Variants in LMNTD1 observed in about 807,000 individuals in gnomAD.
LMNTD1 encodes lamin tail domain-containing protein 1.
LMNTD1 carries 35 observed loss-of-function variants against 50.9 expected under a neutral mutation model. That is an observed-to-expected ratio of 0.69 (90% CI 0.53 to 0.91). The LOEUF is 0.91. Among genes scored for constraint, LMNTD1 ranks in the 40% least tolerant of loss-of-function variants. LMNTD1 has a pLI of 0.00. For synonymous variants in LMNTD1, 153 were observed against 161.9 expected (o/e 0.94, Z 0.42); for missense variants, 470 against 475.5 (o/e 0.99, Z 0.11).
chr12:25,594,226 C>A (rs1252592526), intron 1 of LMNTD1, among the ~76,000 whole-genome samples: 2 of 152,114 alleles, frequency 1.3e-5, no homozygotes, highest in Non-Finnish European at 2.9e-5. Flanking sequence ...CTGGGAAAAT[C>A]ATTGCAAAAA....
Position 25,519,902 on chromosome 12 carries a change from ATCTT to A in LMNTD1, c.968_971del (p.Lys323IlefsTer45), listed in dbSNP as rs779037184. The A allele has an allele frequency of 6.2e-7, 1 of 1,612,166 alleles. No individual in the cohort carries two copies. The highest frequency in any genetic ancestry group is 1.1e-5 in the South Asian group (1 of 90,956). ...CTTGTTCCACCTGATAATTTGAGAT[ATCTT>A]TCTTAGGTTGATCTTGTTTTTCTTT... On this transcript the variant is annotated frameshift_variant, in exon 7 of 10. Transcript: ENST00000458174. LOFTEE classifies it high-confidence loss of function.
intron 1 of LMNTD1, among the ~76,000 whole-genome samples, chr12:25,619,752 C>T (rs1260791521): frequency 6.6e-6 from 1 of 152,236 alleles, no homozygotes; most frequent in Non-Finnish European, 1.5e-5. Flanking sequence ...TCTCCCTTCT[C>T]TGCTCATCCC....
chr12:25,504,200 A>G (rs1377369559), intron 8 of LMNTD1, among the ~76,000 whole-genome samples: 4 of 152,204 alleles, frequency 2.6e-5, no homozygotes, highest in African/African-American at 9.7e-5. Flanking sequence ...AATGCTTTCT[A>G]TATGTAGAAC....
chr12:25,574,007 G>C (rs1208635542), intron 1 of LMNTD1, among the ~76,000 whole-genome samples: 2 of 152,032 alleles, frequency 1.3e-5, no homozygotes, highest in African/African-American at 4.8e-5. Context: ...CTCCCCTCAA[G>C]CCTTTTCTCA....
Position 25,549,485 on chromosome 12 carries a change from C to A in LMNTD1, c.151G>T (p.Val51Phe). 6.2e-7 allele frequency: 1 copy of A among 1,613,218 alleles called. No homozygotes were observed. The highest frequency in any genetic ancestry group is 8.5e-7 in the Non-Finnish European group (1 of 1,179,428). The stretch of plus-strand genomic sequence containing the variant: ...GATGACAATGGCAGTGTTGTGGCAA[C>A]TGAACCCAACATCTTTGGGGAAAAA... Reference protein sequence around the residue: ...VHFSPKMLGSVATTLPLSSSN... With the variant: ...VHFSPKMLGSFATTLPLSSSN... The change falls in exon 3 of 10, where the codon GTT (valine) becomes TTT (phenylalanine). Residue 51 changes from valine (V) to phenylalanine (F), a missense_variant. Val to Phe is a conservative substitution (Grantham distance 50). Coordinates refer to ENST00000458174, the MANE Select transcript of LMNTD1 (RefSeq NM_001145728.2).
intron 8 of LMNTD1, among the ~76,000 whole-genome samples, chr12:25,512,041 A>G (rs551856380): frequency 6.6e-6 from 1 of 152,202 alleles, no homozygotes; most frequent in African/African-American, 2.4e-5. Context: ...TGTTTCTTAA[A>G]CAGCAAATCT....
At chr12:25,513,103 T>C (rs756827432) in intron 8 of LMNTD1, among the ~76,000 whole-genome samples, 3 of 152,172 alleles carry the variant, frequency 2.0e-5, no homozygotes, top group Admixed American at 6.5e-5. Flanking sequence ...ATTCAGAACA[T>C]TCCCCCAAAT....
chr12:25,538,247 G>C (rs868368008), intron 4 of LMNTD1, among the ~76,000 whole-genome samples: 1 of 111,816 alleles, frequency 8.9e-6, no homozygotes, highest in Non-Finnish European at 2.0e-5. Context: ...TCCTCGAGAC[G>C]AGCAACTCCA....
At chr12:25,561,122 T>A (rs1314403907) in intron 1 of LMNTD1, among the ~76,000 whole-genome samples, 1 of 152,110 alleles carries the variant, frequency 6.6e-6, no homozygotes, top group East Asian at 1.9e-4. Context: ...TTTTGAAGGG[T>A]TTTTTGTGTC....
At position 25,491,112 on chromosome 12, in the gene LMNTD1, A is replaced by G. The variant is rs56838990; in HGVS notation, c.*22+12626T>C. Among the ~76,000 whole-genome samples, 345 of 152,376 alleles carry G rather than the reference A, an allele frequency of 2.3e-3. 2 individuals carry two copies. Among genetic ancestry groups the G allele is most frequent in the African/African-American group, 7.5e-3 (313 of 41,584 alleles). On this transcript the variant is annotated intron_variant, in intron 9 of 9. Transcript: ENST00000458174. Reference sequence around the variant, plus strand: ...CCTGAGGATGAAATGATAACTAGTTAAAAGTATCTAGTTCAGTGGCTGATT... The same window carrying G: ...CCTGAGGATGAAATGATAACTAGTTGAAAGTATCTAGTTCAGTGGCTGATT...
intron 1 of LMNTD1, among the ~76,000 whole-genome samples, chr12:25,559,334 T>TG (rs1332213559): frequency 6.6e-6 from 1 of 152,168 alleles, no homozygotes; most frequent in African/African-American, 2.4e-5. Context: ...CTCAGAATGA[T>TG]GGTTTCCAGC....
At chr12:25,537,131 G>C (rs1208443907) in intron 4 of LMNTD1, among the ~76,000 whole-genome samples, 1 of 152,200 alleles carries the variant, frequency 6.6e-6, no homozygotes, top group East Asian at 1.9e-4. Context: ...AAACTGCAAG[G>C]CAGCAGCGAG....
At chr12:25,626,465 T>G (rs545152654) in intron 1 of LMNTD1, among the ~76,000 whole-genome samples, 1 of 152,152 alleles carries the variant, frequency 6.6e-6, no homozygotes, top group African/African-American at 2.4e-5. Flanking sequence ...CCCTTATGCA[T>G]TATAAATAGT....
chr12:25,625,343 C>T (rs1946565596), intron 1 of LMNTD1, among the ~76,000 whole-genome samples: 3 of 152,094 alleles, frequency 2.0e-5, no homozygotes, highest in Admixed American at 6.5e-5. Flanking sequence ...TCATTAGTAC[C>T]AGATGGTAAA....
chr12:25,515,141 T>C (rs573997891), intron 8 of LMNTD1, among the ~76,000 whole-genome samples: 5 of 152,274 alleles, frequency 3.3e-5, no homozygotes, highest in South Asian at 2.1e-4. Context: ...AGGATAATCA[T>C]TGCCGTAGAC....
chr12:25,617,453 G>A (rs1376532410), intron 1 of LMNTD1, among the ~76,000 whole-genome samples: 1 of 152,114 alleles, frequency 6.6e-6, no homozygotes, highest in Non-Finnish European at 1.5e-5. Flanking sequence ...TGGAGGGGTT[G>A]GCCTTTAGCA....
intron 1 of LMNTD1, among the ~76,000 whole-genome samples, chr12:25,594,676 A>C (rs926643773): frequency 3.0e-5 from 4 of 132,464 alleles, no homozygotes; most frequent in Middle Eastern, 3.6e-3. Context: ...AAAAAAAAAA[A>C]CCCAAGGCAT....
intron 1 of LMNTD1, among the ~76,000 whole-genome samples, chr12:25,612,073 AT>A: frequency 6.6e-6 from 1 of 152,166 alleles, no homozygotes; most frequent in Non-Finnish European, 1.5e-5. Flanking sequence ...AATTGTACCT[AT>A]TCAAAGGTTT....
chr12:25,634,643 C>T (rs1946788691), intron 1 of LMNTD1, among the ~76,000 whole-genome samples: 1 of 151,890 alleles, frequency 6.6e-6, no homozygotes, highest in South Asian at 2.1e-4. Context: ...AATTGGCATA[C>T]AAGGGACATA....
Sources: gnomAD v4.1 joint callset for allele counts (sites outside exome capture counted in the v4.1 genomes callset) on GRCh38, gnomAD v4.1.1 for gene constraint, MANE v1.5 for transcripts, NCBI Gene and HGNC (gene_info 2026-07-23, HGNC 2026-07-21) for gene names.